The following MTOR variants were observed in gnomAD, a reference collection of about 807,000 sequenced individuals.
MTOR encodes the protein mechanistic target of rapamycin kinase.
MTOR carries 70 observed loss-of-function variants against 319.8 expected under a neutral mutation model. The ratio of observed to expected loss-of-function variants is 0.22; its 90% confidence interval spans 0.18 to 0.27. MTOR has a LOEUF of 0.27. MTOR is among the 10% of genes least tolerant of loss of function. The pLI, the probability that MTOR is intolerant of heterozygous loss-of-function variation, is 1.00. For missense variants in MTOR, 1,890 were observed against 3,274.4 expected (o/e 0.58, Z 10.32); for synonymous variants, 1,183 against 1,211.4 (o/e 0.98, Z 0.49).
chr1:11,202,845 C>CT (rs1349212235), intron 26 of MTOR, among the ~76,000 whole-genome samples: 3 of 151,766 alleles, frequency 2.0e-5, no homozygotes, highest in Non-Finnish European at 4.4e-5. Context: ...GAGGTTGAGG[C>CT]TGCAGTGAGC....
Position 11,139,434 on chromosome 1 carries a change from G to A in MTOR, c.5000C>T (p.Ala1667Val). ...ASLCGKSGRL[A>V]LAHKTLVLLL... ...CAACACTAAAGTTTTATGAGCAAGA[G>A]CCTTAAAAATAAGAGAAACTGGGTT... The change falls in exon 36 of 58, where the codon GCT becomes GTT. Residue 1667 changes from alanine to valine, a missense_variant and splice_region_variant. Around this residue, in one of 15 missense-constraint regions of MTOR, gnomAD observed 276 missense variants for 459.4 expected, o/e 0.60. Transcript: ENST00000361445. 1 of 1,614,074 alleles carries A rather than the reference G, an allele frequency of 6.2e-7. No homozygotes were observed. Among genetic ancestry groups the A allele is most frequent in the Non-Finnish European group, 8.5e-7 (1 of 1,180,018 alleles).
chr1:11,133,730 A>G lies in MTOR; in HGVS notation c.5247-533T>C, dbSNP rs1643270022. Among the ~76,000 whole-genome samples, 1 of 152,226 alleles carries G rather than the reference A, an allele frequency of 6.6e-6. No homozygotes were observed. The highest frequency in any genetic ancestry group is 1.9e-4 in the East Asian group (1 of 5,202). ...CCTTTTATATTGGTAACTGAGGCAT[A>G]GAGAGGTTAAGTCACTTCTCTGAAG... On this transcript the variant is annotated intron_variant, in intron 37 of 57. Transcript: ENST00000361445. The surrounding 1 kb of genome is among the most constrained non-coding windows in gnomAD (Gnocchi z 4.0).
chr1:11,126,610 A>G lies in MTOR; in HGVS notation c.6526+12T>C. On this transcript the variant is annotated intron_variant, in intron 46 of 57. Coordinates refer to ENST00000361445, the MANE Select transcript of MTOR (RefSeq NM_004958.4). ...GGAGAAGTGGGTGACAGAAGTGCAC[A>G]ATGGTCCTTACCCATAAGTGTCAAT... The G allele has an allele frequency of 6.2e-7, 1 of 1,613,294 alleles. No individual in the cohort carries two copies. Among genetic ancestry groups the G allele is most frequent in the African/African-American group, 1.3e-5 (1 of 74,990 alleles).
chr1:11,154,256 T>C (rs1347155812), intron 30 of MTOR, among the ~76,000 whole-genome samples: 1 of 150,276 alleles, frequency 6.7e-6, no homozygotes, highest in East Asian at 2.0e-4. Context: ...CCTAAATTTA[T>C]TGAGGTAAAT....
Position 11,106,737 on chromosome 1 carries a change from T to C in MTOR, c.*748A>G, listed in dbSNP as rs1641596942. 1 of 1,226,048 alleles carries C rather than the reference T, an allele frequency of 8.2e-7. No individual in the cohort carries two copies. The highest frequency in any genetic ancestry group is 1.0e-6 in the Non-Finnish European group (1 of 967,590). The allele number at this position is 1,226,048 out of a possible 1,614,324, so 75.9% of individuals were successfully genotyped here. ...TTCTGAGCCCTTGCTCTAAACAGAG[T>C]ATTTTGACCACTGAAAACATCCCAG... is the stretch of plus-strand genomic sequence containing the variant. On this transcript the variant is annotated 3_prime_UTR_variant, in exon 58 of 58. Coordinates refer to ENST00000361445, the MANE Select transcript of MTOR (RefSeq NM_004958.4).
At position 11,108,151 on chromosome 1, in the gene MTOR, T is replaced by G. The variant is rs141311064; in HGVS notation, c.7634+30A>C. ...AGGCTTGGGACCTGATTGCTTATTT[T>G]AACAAAGTCACTTTGAGAGCCCCAC... is the stretch of plus-strand genomic sequence containing the variant. On this transcript the variant is annotated intron_variant, in intron 57 of 57. Coordinates refer to ENST00000361445, the MANE Select transcript of MTOR (RefSeq NM_004958.4). 6.8e-5 allele frequency: 108 copies of G among 1,587,276 alleles called. No homozygotes were observed. In the East Asian group the frequency reaches 2.4e-3, roughly 35 times the overall value.
At chr1:11,123,610 A>G (rs2100374527) in intron 47 of MTOR, among the ~76,000 whole-genome samples, 1 of 152,110 alleles carries the variant, frequency 6.6e-6, no homozygotes, top group Admixed American at 6.5e-5. Context: ...CTGGGACAAC[A>G]GGCATGAGCC....
intron 12 of MTOR, 95 bp from the exon 13 acceptor site, chr1:11,238,143 A>G (rs1405485675): frequency 1.7e-6 from 2 of 1,202,064 alleles, no homozygotes; most frequent in Non-Finnish European, 1.2e-6. Flanking sequence ...CGTAGTGGGA[A>G]GATTCCAGAT....
At chr1:11,236,869 G>A (rs1184100602) in intron 13 of MTOR, among the ~76,000 whole-genome samples, 2 of 152,020 alleles carry the variant, frequency 1.3e-5, no homozygotes, top group Non-Finnish European at 2.9e-5. Context: ...ACTTAAAATG[G>A]CAGGCACTTC....
At chr1:11,185,677 C>A (rs1645296764) in intron 28 of MTOR, among the ~76,000 whole-genome samples, 1 of 152,070 alleles carries the variant, frequency 6.6e-6, no homozygotes, top group South Asian at 2.1e-4. Context: ...AGGTTCAGGA[C>A]ACATTCTTTG....
At position 11,243,169 on chromosome 1, in the gene MTOR, G is replaced by A. The variant is rs771466767; in HGVS notation, c.1357C>T (p.Pro453Ser). ...GCTCGGATGATGTCCAGCACGCGAG[G>A]CAAATAGACCTTAAACTCAGACCTC... ...AVRSEFKVYL[P>S]RVLDIIRAAL... Residue 453 changes from proline (P) to serine (S), a missense_variant, in exon 9 of 58, where the codon CCT (proline) becomes TCT (serine). Physicochemically the swap from Pro to Ser is moderately conservative, Grantham distance 74. Coordinates refer to ENST00000361445, the MANE Select transcript of MTOR (RefSeq NM_004958.4). The A allele has an allele frequency of 3.1e-6, 5 of 1,614,106 alleles. No individual in the cohort carries two copies. Among genetic ancestry groups the A allele is most frequent in the East Asian group, 2.2e-5 (1 of 44,874 alleles).
intron 28 of MTOR, among the ~76,000 whole-genome samples, chr1:11,194,144 A>T (rs1029204117): frequency 1.3e-5 from 2 of 152,188 alleles, no homozygotes; most frequent in Admixed American, 1.3e-4. Context: ...AGCACTCACT[A>T]TATCCTCATG....
rs1467782168 is a variant in MTOR at position 11,128,147 on chromosome 1, A to C, written c.5911-21T>G. ...AGGGCCTGAGGGAAAAACAGAAGAAACATCTATAAAGGAAATGTGGGTTGG... is the reference window on the plus strand; with the variant it reads ...AGGGCCTGAGGGAAAAACAGAAGAACCATCTATAAAGGAAATGTGGGTTGG... On this transcript the variant is annotated intron_variant, in intron 42 of 57. Coordinates refer to ENST00000361445, the MANE Select transcript of MTOR (RefSeq NM_004958.4). This position sits in a 1 kb window ranked among gnomAD's most constrained non-coding sequence, Gnocchi z 5.3. 1 of 1,612,942 alleles carries C rather than the reference A, an allele frequency of 6.2e-7. No homozygotes were observed. The highest frequency in any genetic ancestry group is 8.5e-7 in the Non-Finnish European group (1 of 1,179,678).
At chr1:11,230,671 A>G (rs1569691638) in intron 18 of MTOR, among the ~76,000 whole-genome samples, 1 of 152,230 alleles carries the variant, frequency 6.6e-6, no homozygotes, top group East Asian at 1.9e-4. Flanking sequence ...TTGCATTGGC[A>G]TCAAAAAGCA....
chr1:11,245,328 G>A (rs72856978), intron 8 of MTOR, among the ~76,000 whole-genome samples: 1 of 152,114 alleles, frequency 6.6e-6, no homozygotes, highest in African/African-American at 2.4e-5. Context: ...CATAAAATAG[G>A]AGAGAAGGGA....
rs1643869193 is a variant in MTOR at position 11,144,688 on chromosome 1, C to A, written c.4832G>T (p.Arg1611Leu). Reference sequence around the variant, plus strand: ...CCAGATCTGGCGGATGATCTCTCGTCGCTCGGGGACAAGTTTGTACTGGAT... The same window carrying A: ...CCAGATCTGGCGGATGATCTCTCGTAGCTCGGGGACAAGTTTGTACTGGAT... ...EVIQYKLVPE[R>L]REIIRQIWWE... The change falls in exon 34 of 58, where the codon CGA (arginine) becomes CTA (leucine). Residue 1611 changes from arginine to leucine, a missense_variant. Transcript: ENST00000361445. 6.2e-7 allele frequency: 1 copy of A among 1,614,090 alleles called. No homozygotes were observed. The highest frequency in any genetic ancestry group is 8.5e-7 in the Non-Finnish European group (1 of 1,180,036).
At chr1:11,189,625 A>T in intron 28 of MTOR, 1 of 1,613,936 alleles carries the variant, frequency 6.2e-7, no homozygotes, top group Non-Finnish European at 8.5e-7. Flanking sequence ...CTGCATTTTC[A>T]TCGTGGCCTT....
At chr1:11,209,867 T>C (rs1646255123) in intron 24 of MTOR, among the ~76,000 whole-genome samples, 1 of 152,110 alleles carries the variant, frequency 6.6e-6, no homozygotes, top group Admixed American at 6.6e-5. Context: ...ATCGAACCTA[T>C]TTATTTACTT....
At position 11,122,121 on chromosome 1, in the gene MTOR, T is replaced by C; in HGVS notation, c.6668A>G (p.Gln2223Arg). ...PTSLRKNLSI[Q>R]RYAVIPLSTN... is the part of the protein sequence containing the mutation. ...CGATAAAGGGATGACAGCGTATCTC[T>C]GGATGCTGGCGCCCACAGAAAAGCA... The change falls in exon 48 of 58, where the codon CAG (glutamine) becomes CGG (arginine). Residue 2223 changes from glutamine (Q) to arginine (R), a missense_variant. Gln to Arg is a conservative substitution (Grantham distance 43, BLOSUM62 1). Transcript: ENST00000361445. 6.2e-7 allele frequency: 1 copy of C among 1,614,216 alleles called. No homozygotes were observed. The highest frequency in any genetic ancestry group is 8.5e-7 in the Non-Finnish European group (1 of 1,180,034).
Sources: gnomAD v4.1 joint callset for allele counts (sites outside exome capture counted in the v4.1 genomes callset) on GRCh38, gnomAD v4.1.1 for gene constraint, gnomAD v4.1.1 regional missense constraint, Gnocchi (gnomAD v3.1) non-coding constraint, MANE v1.5 for transcripts, NCBI Gene and HGNC (gene_info 2026-07-23, HGNC 2026-07-21) for gene names.